The following TJP1 variants were observed in gnomAD, a reference collection of about 807,000 sequenced individuals.
The protein encoded by TJP1 is tight junction protein ZO-1.
TJP1 carries 43 observed loss-of-function variants against 194.2 expected under a neutral mutation model. The observed-to-expected ratio is 0.22, with a 90% CI of 0.17 to 0.29. The LOEUF is 0.29. TJP1 is among the 10% of genes least tolerant of loss of function. The pLI, the probability that TJP1 is intolerant of heterozygous loss-of-function variation, is 1.00. For synonymous variants in TJP1, 801 were observed against 779.0 expected (o/e 1.03, Z -0.47); for missense variants, 1,971 against 2,185.7 (o/e 0.90, Z 1.96).
intron 1 of TJP1, chr15:29,968,588 C>T: frequency 4.4e-6 from 4 of 902,618 alleles, no homozygotes; most frequent in Non-Finnish European, 4.0e-6. Context: ...CCCCGGCCGC[C>T]GCTCGCTCTC....
intron 2 of TJP1, among the ~76,000 whole-genome samples, chr15:29,778,614 G>A (rs1437190459): frequency 1.3e-5 from 2 of 152,078 alleles, no homozygotes; most frequent in Non-Finnish European, 2.9e-5. Context: ...AGCATGCAGT[G>A]CCTTTGAATA....
chr15:29,873,941 T>C (rs932736386), intron 2 of TJP1, among the ~76,000 whole-genome samples: 2 of 152,178 alleles, frequency 1.3e-5, no homozygotes, highest in Non-Finnish European at 2.9e-5. Flanking sequence ...GCATGAGGCA[T>C]AGCTTTTACC....
intron 8 of TJP1, among the ~76,000 whole-genome samples, chr15:29,750,919 T>C (rs1046064748): frequency 1.1e-4 from 16 of 152,210 alleles, no homozygotes; most frequent in African/African-American, 3.9e-4. Context: ...AAAAATATGC[T>C]AAGAATTTAA....
At chr15:29,732,119 T>C in intron 15 of TJP1, 1 of 254,896 alleles carries the variant, frequency 3.9e-6, no homozygotes, top group Non-Finnish European at 7.5e-6. Context: ...CATCCAAGTC[T>C]CAGGCTACTC....
intron 9 of TJP1, 137 bp from the exon 10 acceptor site, chr15:29,741,573 T>C (rs1246369007): frequency 3.3e-6 from 2 of 604,140 alleles, no homozygotes; most frequent in South Asian, 2.2e-5. Flanking sequence ...GAGTACATTT[T>C]ATAGTAATAA....
At chr15:29,965,971 T>C (rs575862026) in intron 1 of TJP1, among the ~76,000 whole-genome samples, 9 of 152,322 alleles carry the variant, frequency 5.9e-5, no homozygotes, top group African/African-American at 2.2e-4. Flanking sequence ...CTTAGTAAGA[T>C]GGTTTTTATC....
chr15:29,881,682 C>T (rs785422), intron 2 of TJP1, among the ~76,000 whole-genome samples: 15,007 of 152,130 alleles, frequency 0.099, 804 homozygotes, highest in African/African-American at 0.11. Flanking sequence ...TTGAACCACA[C>T]ATTGGATATA....
At chr15:29,962,852 T>C (rs1403839199) in intron 1 of TJP1, among the ~76,000 whole-genome samples, 2 of 152,128 alleles carry the variant, frequency 1.3e-5, no homozygotes, top group Non-Finnish European at 2.9e-5. Context: ...ATTTAAAAAA[T>C]TGTGGGCTGG....
At position 29,814,837 on chromosome 15, in the gene TJP1, G is replaced by A. The variant is rs566888056; in HGVS notation, c.27+7165C>T. ...TCAGTATATCAACTGAAATATATCC[G>A]CAACACAAACTAATAAAACCTTATC... On this transcript the variant is annotated intron_variant, in intron 1 of 27. Coordinates refer to ENST00000614355, the MANE Select transcript of TJP1 (RefSeq NM_001330239.4). 6.8e-4 allele frequency among the ~76,000 whole-genome samples: 103 copies of A among 152,170 alleles called. 3 individuals carry two copies. The South Asian group carries it at 0.02, about 30-fold the overall frequency.
intron 1 of TJP1, among the ~76,000 whole-genome samples, chr15:29,959,758 A>T (rs761398736): frequency 1.4e-4 from 21 of 152,144 alleles, no homozygotes; most frequent in South Asian, 2.1e-4. Flanking sequence ...GATTATTATT[A>T]ATTTTGTCGT....
chr15:29,762,186 T>C (rs1176239568), intron 6 of TJP1, 149 bp downstream of exon 6: 3 of 605,250 alleles, frequency 5.0e-6, no homozygotes, highest in Admixed American at 3.0e-5. Context: ...CATGTAATAA[T>C]GCATAAAGGG....
At chr15:29,837,356 C>T (rs963092550) in intron 2 of TJP1, among the ~76,000 whole-genome samples, 6 of 152,244 alleles carry the variant, frequency 3.9e-5, no homozygotes, top group African/African-American at 1.4e-4. Context: ...GTCGGGACTT[C>T]AAGACCAGCC....
intron 1 of TJP1, chr15:29,968,277 ATTC>A (rs1424345471): frequency 2.1e-5 from 21 of 984,914 alleles, no homozygotes; most frequent in Non-Finnish European, 2.4e-5. Context: ...ATACCAATGA[ATTC>A]TTCTGCTGTC....
At chr15:29,965,266 A>T (rs1016176752) in intron 1 of TJP1, among the ~76,000 whole-genome samples, 5 of 151,750 alleles carry the variant, frequency 3.3e-5, no homozygotes, top group Admixed American at 3.3e-4. Context: ...CTGGAGTGCA[A>T]TGGTACAATC....
At chr15:29,955,595 TA>T (rs1201790392) in intron 2 of TJP1, among the ~76,000 whole-genome samples, 2 of 150,604 alleles carry the variant, frequency 1.3e-5, no homozygotes, top group Non-Finnish European at 3.0e-5. Context: ...TACAAAATAT[TA>T]AAAAACTAGC....
At chr15:29,941,931 C>T (rs1251747531) in intron 2 of TJP1, among the ~76,000 whole-genome samples, 1 of 152,020 alleles carries the variant, frequency 6.6e-6, no homozygotes, top group Admixed American at 6.6e-5. Flanking sequence ...CATGAAGAGG[C>T]CGTGAGGAGG....
intron 2 of TJP1, among the ~76,000 whole-genome samples, chr15:29,796,904 G>A (rs148003070): frequency 7.7e-4 from 117 of 151,860 alleles, no homozygotes; most frequent in Admixed American, 2.4e-3. Context: ...GCAATTAAAC[G>A]GACAAAGTAT....
chr15:29,719,283 G>A, intron 20 of TJP1, 145 bp from the exon 21 acceptor site: 3 of 1,046,528 alleles, frequency 2.9e-6, no homozygotes, highest in Non-Finnish European at 3.9e-6. Context: ...CAAGATTAGT[G>A]GAAAAAGCTG....
intron 2 of TJP1, among the ~76,000 whole-genome samples, chr15:29,941,627 C>G (rs953081628): frequency 2.0e-4 from 30 of 152,264 alleles, no homozygotes; most frequent in African/African-American, 7.2e-4. Flanking sequence ...CATATGAGTC[C>G]TTCCAGATCC....
Sources: gnomAD v4.1 joint callset for allele counts (sites outside exome capture counted in the v4.1 genomes callset) on GRCh38, gnomAD v4.1.1 for gene constraint, MANE v1.5 for transcripts, NCBI Gene and HGNC (gene_info 2026-07-23, HGNC 2026-07-21) for gene names.